DDR1: variants seen among roughly 807,000 people sequenced by gnomAD.
DDR1 encodes epithelial discoidin domain-containing receptor 1.
In DDR1, 64 loss-of-function variants were observed where a neutral mutation model predicts 97.4. The observed-to-expected ratio is 0.66, with a 90% CI of 0.54 to 0.81. The LOEUF (loss-of-function observed/expected upper bound fraction) is 0.81. DDR1 is among the 30% of genes least tolerant of loss of function. The probability of loss-of-function intolerance (pLI) is 0.00; values close to 1 mark genes in which losing one functional copy is unlikely to be tolerated. For synonymous variants in DDR1, 458 were observed against 503.7 expected (o/e 0.91, Z 1.21); for missense variants, 990 against 1,259.6 (o/e 0.79, Z 3.24).
Position 30,892,201 on chromosome 6 carries a change from G to A in DDR1, c.852+13G>A, listed in dbSNP as rs566516606. On this transcript the variant is annotated intron_variant, in intron 7 of 17. Transcript: ENST00000376568. ...CCAGGCTATGCAGGTGAGTGAGTCC[G>A]GCTCTCGAGGAGGGCTCTGAAGCCA... 5.0e-6 allele frequency: 8 copies of A among 1,613,826 alleles called. No individual in the cohort carries two copies. The highest frequency in any genetic ancestry group is 1.3e-5 in the African/African-American group (1 of 75,042).
rs554300957 is a variant in DDR1, at chr6:30,888,701, A to G, written c.-29A>G. 1 of 1,611,162 alleles carries G rather than the reference A, an allele frequency of 6.2e-7. No individual in the cohort carries two copies. Among genetic ancestry groups the G allele is most frequent in the African/African-American group, 1.3e-5 (1 of 74,510 alleles). On this transcript the variant is annotated 5_prime_UTR_variant, in exon 2 of 18. Transcript: ENST00000376568. The surrounding 1 kb of genome is among the most constrained non-coding windows in gnomAD (Gnocchi z 4.2). ...TATCCCCTGCAGAGATGCTGCCCCC[A>G]CCCCCTTAGGCCCGAGGGATCAGGA...
Position 30,885,262 on chromosome 6 carries a change from C to T in DDR1, c.-43+552C>T, listed in dbSNP as rs1237933714. On this transcript the variant is annotated intron_variant, in intron 1 of 17. Coordinates refer to ENST00000376568, the MANE Select transcript of DDR1 (RefSeq NM_001297654.2). Reference sequence around the variant, plus strand: ...CGCCAGCTTCAGGGTCCCACCCCCCCATGCCTGGCTCTTGGCTGAACATTT... The same window carrying T: ...CGCCAGCTTCAGGGTCCCACCCCCCTATGCCTGGCTCTTGGCTGAACATTT... 5.2e-6 allele frequency: 8 copies of T among 1,531,698 alleles called. No homozygotes were observed. In the South Asian group the frequency reaches 7.1e-5, roughly 14 times the overall value. 94.9% of individuals were successfully genotyped at this position (1,531,698 alleles called of 1,614,324 possible).
intron 13 of DDR1, 66 bp downstream of exon 13, chr6:30,896,931 C>T (rs1791042251): frequency 5.1e-6 from 8 of 1,568,986 alleles, no homozygotes; most frequent in Non-Finnish European, 6.9e-6. Flanking sequence ...TGCGCATCCC[C>T]CTAGCCAGGA....
At position 30,893,118 on chromosome 6, in the gene DDR1, C is replaced by T. The variant is rs376202372; in HGVS notation, c.1150C>T (p.Pro384Ser). ...PALGGTFPPA[P>S]WWPPGPPPTN... ...ACTGGGAGGCACCTTCCCGCCAGCC[C>T]CCTGGTGGCCGCCTGGCCCACCTCC... The change falls in exon 9 of 18, where the codon CCC (proline) becomes TCC (serine). Residue 384 changes from proline (P) to serine (S), a missense_variant. Coordinates refer to ENST00000376568, the MANE Select transcript of DDR1 (RefSeq NM_001297654.2). 12 of 1,611,444 alleles carry T rather than the reference C, an allele frequency of 7.4e-6. No individual in the cohort carries two copies. The highest frequency in any genetic ancestry group is 1.0e-5 in the Non-Finnish European group (12 of 1,179,942).
rs765319320 is a variant in DDR1 at position 30,893,122 on chromosome 6, G to C, written c.1154G>C (p.Trp385Ser). Residue 385 changes from tryptophan to serine, a missense_variant, in exon 9 of 18, where the codon TGG (tryptophan) becomes TCG (serine). Physicochemically the swap from Trp to Ser is radical, Grantham distance 177. Transcript: ENST00000376568. Reference sequence around the variant, plus strand: ...GGAGGCACCTTCCCGCCAGCCCCCTGGTGGCCGCCTGGCCCACCTCCCACC... The same window carrying C: ...GGAGGCACCTTCCCGCCAGCCCCCTCGTGGCCGCCTGGCCCACCTCCCACC... ...ALGGTFPPAP[W>S]WPPGPPPTNF... is the part of the protein sequence containing the mutation. The C allele has an allele frequency of 2.5e-6, 4 of 1,611,340 alleles. No homozygotes were observed. Among genetic ancestry groups the C allele is most frequent in the Non-Finnish European group, 3.4e-6 (4 of 1,179,918 alleles).
At position 30,897,336 on chromosome 6, in the gene DDR1, C is replaced by T. The variant is rs777885488; in HGVS notation, c.1998-43C>T. 8 of 1,596,712 alleles carry T rather than the reference C, an allele frequency of 5.0e-6. No homozygotes were observed. In the Admixed American group the frequency reaches 1.4e-4, roughly 27 times the overall value. On this transcript the variant is annotated intron_variant, in intron 14 of 17. Transcript: ENST00000376568. This position sits in a 1 kb window ranked among gnomAD's most constrained non-coding sequence, Gnocchi z 5.2. ...GTGGGGGCGCGGGGGAAGGTGCAGGCCGCCCACTCGGCATTCCTCTTCAGC... is the reference window on the plus strand; with the variant it reads ...GTGGGGGCGCGGGGGAAGGTGCAGGTCGCCCACTCGGCATTCCTCTTCAGC...
In DDR1 at chr6:30,888,883, T is replaced by C. The variant is rs1350055743; in HGVS notation, c.86-25T>C. On this transcript the variant is annotated intron_variant, in intron 2 of 17. Transcript: ENST00000376568. This position sits in a 1 kb window ranked among gnomAD's most constrained non-coding sequence, Gnocchi z 4.2. Reference sequence around the variant, plus strand: ...AGGTAGAGAGTTGGGGGCCTTGACCTGTTACATGCCTGCTTTTTACTCAGC... The same window carrying C: ...AGGTAGAGAGTTGGGGGCCTTGACCCGTTACATGCCTGCTTTTTACTCAGC... 6.2e-7 allele frequency: 1 copy of C among 1,612,946 alleles called. No homozygotes were observed. The highest frequency in any genetic ancestry group is 8.5e-7 in the Non-Finnish European group (1 of 1,179,982).
Position 30,890,969 on chromosome 6 carries a change from A to G in DDR1, c.418-4A>G. 1 of 1,594,334 alleles carries G rather than the reference A, an allele frequency of 6.3e-7. No homozygotes were observed. The highest frequency in any genetic ancestry group is 8.5e-7 in the Non-Finnish European group (1 of 1,170,438). ...CCACCCACCCCCTGTTTCCTGGCCC[A>G]CAGGTGATCTCAGGCAATGAGGACC... On this transcript the variant is annotated splice_polypyrimidine_tract_variant and splice_region_variant and intron_variant, in intron 4 of 17. Transcript: ENST00000376568. This position sits in a 1 kb window ranked among gnomAD's most constrained non-coding sequence, Gnocchi z 5.0.
At chr6:30,893,193 C>T in intron 9 of DDR1, 30 bp downstream of exon 9, 2 of 1,599,470 alleles carry the variant, frequency 1.3e-6, no homozygotes, top group African/African-American at 1.3e-5. Flanking sequence ...CGTGTGGACC[C>T]TCTGCACCCT....
rs866931032 is a variant in DDR1, at chr6:30,889,577, C to T, written c.417+147C>T. On this transcript the variant is annotated intron_variant, in intron 4 of 17. Coordinates refer to ENST00000376568, the MANE Select transcript of DDR1 (RefSeq NM_001297654.2). The surrounding 1 kb of genome is among the most constrained non-coding windows in gnomAD (Gnocchi z 4.9). ...GCTGAGCTCCAAACAATATTGTAAA[C>T]CTGGCCACCTTTTGGATTTCTCCAC... The T allele has an allele frequency of 3.7e-5, 21 of 574,348 alleles. No homozygotes were observed. The highest frequency in any genetic ancestry group is 2.9e-4 in the African/African-American group (15 of 51,474). 35.6% of individuals were successfully genotyped at this position (574,348 alleles called of 1,614,324 possible).
rs1330507537 is a variant in DDR1, at chr6:30,898,249, G to A, written c.2393G>A (p.Arg798His). 2 of 1,614,224 alleles carry A rather than the reference G, an allele frequency of 1.2e-6. No homozygotes were observed. Among genetic ancestry groups the A allele is most frequent in the South Asian group, 1.1e-5 (1 of 91,080 alleles). Residue 798 changes from arginine to histidine, a missense_variant, in exon 16 of 18, where the codon CGT becomes CAT. Physicochemically the swap from Arg to His is conservative, Grantham distance 29. Coordinates refer to ENST00000376568, the MANE Select transcript of DDR1 (RefSeq NM_001297654.2). ...AACCTCTATGCTGGGGACTATTACC[G>A]TGTGCAGGGCCGGGCAGTGCTGCCC... ...SRNLYAGDYY[R>H]VQGRAVLPIR... is the part of the protein sequence containing the mutation.
intron 1 of DDR1, chr6:30,885,355 G>T: frequency 1.6e-6 from 2 of 1,215,794 alleles, no homozygotes; most frequent in Non-Finnish European, 2.3e-6. Flanking sequence ...GGGCCTGTAG[G>T]TGTGTCCAGG....
At chr6:30,893,544 G>GACCACTTAC in intron 10 of DDR1, 121 bp downstream of exon 10, 2 of 1,455,438 alleles carry the variant, frequency 1.4e-6, no homozygotes. Context: ...TTAGTAAAGA[G>GACCACTTAC]ACCACTTACA....
chr6:30,883,426 C>A, upstream of DDR1: 1 of 152,860 alleles, frequency 6.5e-6, no homozygotes. This position sits in a 1 kb window ranked among gnomAD's most constrained non-coding sequence, Gnocchi z 4.9. Context: ...CCGCTCCATC[C>A]TCTGCCCAGT....
chr6:30,890,933 TG>T lies in DDR1; in HGVS notation c.418-38del. 1 of 1,554,054 alleles carries T rather than the reference TG, an allele frequency of 6.4e-7. No homozygotes were observed. The highest frequency in any genetic ancestry group is 8.7e-7 in the Non-Finnish European group (1 of 1,151,322). On this transcript the variant is annotated intron_variant, in intron 4 of 17. Coordinates refer to ENST00000376568, the MANE Select transcript of DDR1 (RefSeq NM_001297654.2). This position sits in a 1 kb window ranked among gnomAD's most constrained non-coding sequence, Gnocchi z 5.0. ...GGTGGGTGGGAAGTAAGATCTGACC[TG>T]GACTCCATCCCACCCACCCCCTGTT...
At chr6:30,885,266 C>T (rs1237374855) in intron 1 of DDR1, 1 of 1,531,262 alleles carries the variant, frequency 6.5e-7, no homozygotes, top group Non-Finnish European at 8.7e-7. Context: ...CCCCCCCATG[C>T]CTGGCTCTTG....
chr6:30,891,331 G>A lies in DDR1; in HGVS notation c.566-49G>A. 2.6e-6 allele frequency: 4 copies of A among 1,514,610 alleles called. No homozygotes were observed. Among genetic ancestry groups the A allele is most frequent in the Non-Finnish European group, 3.7e-6 (4 of 1,095,618 alleles). The allele number at this position is 1,514,610 out of a possible 1,614,324, so 93.8% of individuals were successfully genotyped here. The stretch of plus-strand genomic sequence containing the variant: ...CTGCCCAGGCCTGATGCAGGGATGG[G>A]GGATGGAGCCTTAGTGCCTCTGACC... On this transcript the variant is annotated intron_variant, in intron 5 of 17. Transcript: ENST00000376568. This position sits in a 1 kb window ranked among gnomAD's most constrained non-coding sequence, Gnocchi z 5.3.
In DDR1 at chr6:30,890,470, C is replaced by G. The variant is rs7761589; in HGVS notation, c.418-503C>G. On this transcript the variant is annotated intron_variant, in intron 4 of 17. Transcript: ENST00000376568. This position sits in a 1 kb window ranked among gnomAD's most constrained non-coding sequence, Gnocchi z 5.0. ...CTGGCCACCCACCTCACTGCTCTGT[C>G]CATACTTCCTGCCTCTTGTTCTTCG... 0.26 allele frequency: 40,222 copies of G among 155,108 alleles called. 6,147 individuals are homozygous for G. The highest frequency in any genetic ancestry group is 0.61 in the East Asian group (3,152 of 5,188). 9.6% of individuals were successfully genotyped at this position (155,108 alleles called of 1,614,324 possible).
At chr6:30,892,615 C>T in intron 8 of DDR1, 73 bp downstream of exon 8, 1 of 1,487,586 alleles carries the variant, frequency 6.7e-7, no homozygotes, top group Non-Finnish European at 8.9e-7. Context: ...CTGCAGTGTC[C>T]CTAAAATACT....
Sources: gnomAD v4.1 joint callset for allele counts on GRCh38, gnomAD v4.1.1 for gene constraint, Gnocchi (gnomAD v3.1) non-coding constraint, MANE v1.5 for transcripts, NCBI Gene and HGNC (gene_info 2026-07-23, HGNC 2026-07-21) for gene names.